Variants in KIF26B observed in about 807,000 individuals in gnomAD.
The protein encoded by KIF26B is kinesin-like protein KIF26B.
Under a neutral mutation model 151.2 loss-of-function variants are expected in KIF26B, and 63 were observed. The observed-to-expected ratio is 0.42, with a 90% CI of 0.34 to 0.51. The LOEUF (loss-of-function observed/expected upper bound fraction) is 0.51. KIF26B is among the 20% of genes least tolerant of loss of function. The probability of loss-of-function intolerance (pLI) is 0.07; values close to 1 mark genes in which losing one functional copy is unlikely to be tolerated. For missense variants in KIF26B, 2,813 were observed against 2,913.6 expected (o/e 0.97, Z 0.79); for synonymous variants, 1,357 against 1,262.1 (o/e 1.08, Z -1.59).
chr1:245,315,404 G>T (rs1671747396), intron 2 of KIF26B, among the ~76,000 whole-genome samples: 1 of 151,632 alleles, frequency 6.6e-6, no homozygotes, highest in Admixed American at 6.6e-5. Context: ...CAGGCTGGGC[G>T]ACAGAGTGAG....
intron 2 of KIF26B, among the ~76,000 whole-genome samples, chr1:245,288,936 GT>G (rs34674785): frequency 0.66 from 100,528 of 151,692 alleles, 34,306 homozygotes; most frequent in African/African-American, 0.83. Context: ...ACAACTGTTT[GT>G]TTTTTTTTAA....
intron 9 of KIF26B, among the ~76,000 whole-genome samples, chr1:245,631,538 G>T (rs1334929925): frequency 6.6e-6 from 1 of 152,114 alleles, no homozygotes; most frequent in African/African-American, 2.4e-5. Context: ...GTATTTTTTA[G>T]ATGATTTTTG....
intron 2 of KIF26B, among the ~76,000 whole-genome samples, chr1:245,165,226 G>A (rs572711846): frequency 6.6e-6 from 1 of 152,038 alleles, no homozygotes; most frequent in Non-Finnish European, 1.5e-5. Flanking sequence ...AGGCAGCTCC[G>A]GCCTGACACA....
intron 1 of KIF26B, 71 bp from the exon 2 acceptor site, chr1:245,156,211 G>T: frequency 2.7e-6 from 4 of 1,505,642 alleles, no homozygotes; most frequent in Non-Finnish European, 3.5e-6. Flanking sequence ...GGTGGCGCAC[G>T]TATGACCCAG....
chr1:245,459,739 C>G (rs770688258), intron 4 of KIF26B, among the ~76,000 whole-genome samples: 82 of 152,154 alleles, frequency 5.4e-4, no homozygotes, highest in Non-Finnish European at 1.0e-3. Flanking sequence ...AAAACAGAGG[C>G]ACAAAAGTGG....
At chr1:245,387,167 TG>T (rs1349202972) in intron 3 of KIF26B, among the ~76,000 whole-genome samples, 32 of 94,680 alleles carry the variant, frequency 3.4e-4, no homozygotes, top group South Asian at 6.7e-4. Context: ...TTTTGTTTTT[TG>T]TTTTTTGTTT....
chr1:245,471,444 G>C (rs2103063930), intron 4 of KIF26B, among the ~76,000 whole-genome samples: 1 of 152,148 alleles, frequency 6.6e-6, no homozygotes, highest in South Asian at 2.1e-4. Flanking sequence ...TGATAGTTAT[G>C]TTTTTAACTC....
chr1:245,669,550 T>C (rs188660675), intron 10 of KIF26B, among the ~76,000 whole-genome samples: 1 of 152,312 alleles, frequency 6.6e-6, no homozygotes, highest in East Asian at 1.9e-4. Context: ...CGGAGATATA[T>C]GCACAGCCAA....
chr1:245,176,586 C>T (rs1668813118), intron 2 of KIF26B, among the ~76,000 whole-genome samples: 1 of 152,078 alleles, frequency 6.6e-6, no homozygotes, highest in South Asian at 2.1e-4. Flanking sequence ...ACGTGTGAGC[C>T]ACTCCCCACA....
chr1:245,547,486 T>G (rs1661770938), intron 5 of KIF26B, among the ~76,000 whole-genome samples: 1 of 148,966 alleles, frequency 6.7e-6, no homozygotes, highest in African/African-American at 2.5e-5. Flanking sequence ...CTCAGGAGGC[T>G]GAGGCAGGAG....
At chr1:245,514,319 GA>G (rs1356316250) in intron 4 of KIF26B, among the ~76,000 whole-genome samples, 1 of 152,090 alleles carries the variant, frequency 6.6e-6, no homozygotes, top group East Asian at 1.9e-4. Context: ...TTGAGGTCAG[GA>G]GTTCAAGACT....
chr1:245,485,010 G>T (rs1055176187), intron 4 of KIF26B, among the ~76,000 whole-genome samples: 1 of 152,100 alleles, frequency 6.6e-6, no homozygotes, highest in Non-Finnish European at 1.5e-5. Context: ...AAACTGTGGG[G>T]TATACATGGA....
intron 3 of KIF26B, among the ~76,000 whole-genome samples, chr1:245,372,185 A>G (rs1673144517): frequency 6.6e-6 from 1 of 152,088 alleles, no homozygotes; most frequent in Non-Finnish European, 1.5e-5. Context: ...TAGGAGCAGA[A>G]ACCCTACTGT....
In KIF26B at chr1:245,289,061, G is replaced by A. The variant is rs144097271; in HGVS notation, c.466-77773G>A. Among the ~76,000 whole-genome samples, 915 of 152,226 alleles carry A rather than the reference G, an allele frequency of 6.0e-3. 4 individuals carry two copies. Among genetic ancestry groups the A allele is most frequent in the African/African-American group, 0.021 (875 of 41,532 alleles). ...CATGACTTACATATAGAGGAAGTCG[G>A]GTTGGTTTGTAGCCAATGGCTGTTA... is the stretch of plus-strand genomic sequence containing the variant. On this transcript the variant is annotated intron_variant, in intron 2 of 14. Transcript: ENST00000407071.
chr1:245,281,200 A>T (rs1377428111), intron 2 of KIF26B, among the ~76,000 whole-genome samples: 1 of 68,490 alleles, frequency 1.5e-5, no homozygotes, highest in East Asian at 5.7e-4. Flanking sequence ...ACAATGGTTG[A>T]ACTAGTTTAC....
At chr1:245,699,177 C>T in intron 14 of KIF26B, 140 bp downstream of exon 14, 1 of 898,034 alleles carries the variant, frequency 1.1e-6, no homozygotes, top group Non-Finnish European at 1.7e-6. Flanking sequence ...GAGGAAGTTG[C>T]ACCGAGCGAG....
intron 2 of KIF26B, among the ~76,000 whole-genome samples, chr1:245,314,461 A>G (rs1225124786): frequency 6.6e-6 from 1 of 152,204 alleles, no homozygotes; most frequent in Non-Finnish European, 1.5e-5. Context: ...CGAAAAAAAG[A>G]AAAAGCAAAC....
intron 3 of KIF26B, chr1:245,370,804 TCTTA>T (rs1275432624): frequency 2.8e-6 from 1 of 361,004 alleles, no homozygotes; most frequent in Admixed American, 3.5e-5. Flanking sequence ...CTGTTCTTCC[TCTTA>T]CTTCCCAAAC....
intron 2 of KIF26B, among the ~76,000 whole-genome samples, chr1:245,319,750 T>C (rs1249627246): frequency 6.6e-6 from 1 of 152,216 alleles, no homozygotes; most frequent in Admixed American, 6.5e-5. Context: ...GCACTACTTA[T>C]GAAATCTCTG....
Sources: allele counts gnomAD v4.1 joint callset (sites outside exome capture counted in the v4.1 genomes callset), GRCh38; gene constraint gnomAD v4.1.1; transcripts MANE v1.5; gene names NCBI Gene and HGNC (gene_info 2026-07-23, HGNC 2026-07-21).